NKAIN2: variants seen among roughly 807,000 people sequenced by gnomAD.
NKAIN2 encodes the protein sodium/potassium transporting ATPase interacting 2.
In NKAIN2, 14 loss-of-function variants were observed where a neutral mutation model predicts 32.6. The ratio of observed to expected loss-of-function variants is 0.43; its 90% confidence interval spans 0.28 to 0.67. The LOEUF is 0.67. Among genes scored for constraint, NKAIN2 ranks in the 30% least tolerant of loss-of-function variants. The pLI, the probability that NKAIN2 is intolerant of heterozygous loss-of-function variation, is 0.17. For missense variants in NKAIN2, 198 were observed against 258.3 expected (o/e 0.77, Z 1.60); for synonymous variants, 80 against 87.2 (o/e 0.92, Z 0.46).
intron 1 of NKAIN2, among the ~76,000 whole-genome samples, chr6:124,246,118 T>C (rs62434679): frequency 2.7e-4 from 41 of 152,120 alleles, no homozygotes; most frequent in Non-Finnish European, 5.6e-4. Context: ...TTTCTCTGTT[T>C]TAACCATAGT....
chr6:124,075,827 C>T (rs974407276), intron 1 of NKAIN2, among the ~76,000 whole-genome samples: 2 of 152,158 alleles, frequency 1.3e-5, no homozygotes, highest in African/African-American at 4.8e-5. Context: ...AACTCCTGAC[C>T]TCAAGTGATC....
chr6:124,496,338 T>A (rs1054467623), intron 3 of NKAIN2, among the ~76,000 whole-genome samples: 4 of 152,294 alleles, frequency 2.6e-5, no homozygotes, highest in South Asian at 4.1e-4. Context: ...AACCTTTTTT[T>A]AAATTCATTG....
At chr6:124,008,088 G>T (rs982813585) in intron 1 of NKAIN2, among the ~76,000 whole-genome samples, 3 of 152,102 alleles carry the variant, frequency 2.0e-5, no homozygotes, top group Non-Finnish European at 4.4e-5. Context: ...TGATGACCGA[G>T]GAGGAGTCAG....
In NKAIN2 at chr6:124,099,222, C is replaced by T. The variant is rs577800365; in HGVS notation, c.55-183783C>T. ...GGTTGATTATCTAATATATGGCATG[C>T]CCTTTAGAGATGTTATCCCATTTAA... On this transcript the variant is annotated intron_variant, in intron 1 of 6. Coordinates refer to ENST00000368417, the MANE Select transcript of NKAIN2 (RefSeq NM_001040214.3). Among the ~76,000 whole-genome samples, 7 of 151,992 alleles carry T rather than the reference C, an allele frequency of 4.6e-5. No homozygotes were observed. The South Asian group carries it at 1.0e-3, about 23-fold the overall frequency.
intron 1 of NKAIN2, among the ~76,000 whole-genome samples, chr6:124,236,697 A>T (rs754822083): frequency 1.3e-5 from 2 of 152,152 alleles, no homozygotes; most frequent in African/African-American, 4.8e-5. Flanking sequence ...GTATTTTAAC[A>T]ATCTGGTTTG....
chr6:124,727,640 C>T (rs567034248), intron 4 of NKAIN2, among the ~76,000 whole-genome samples: 3 of 151,436 alleles, frequency 2.0e-5, no homozygotes, highest in South Asian at 2.1e-4. Flanking sequence ...TAGGAAGAAA[C>T]TCCATCAACT....
intron 1 of NKAIN2, among the ~76,000 whole-genome samples, chr6:124,277,941 C>T (rs1376215771): frequency 6.6e-6 from 1 of 151,590 alleles, no homozygotes; most frequent in African/African-American, 2.4e-5. Flanking sequence ...TCAAAATCTA[C>T]ATATAAGTTT....
At chr6:123,947,629 A>T (rs915874034) in intron 1 of NKAIN2, among the ~76,000 whole-genome samples, 24 of 152,124 alleles carry the variant, frequency 1.6e-4, no homozygotes, top group African/African-American at 5.6e-4. Context: ...TTTTTTATTG[A>T]TACAAATATT....
intron 1 of NKAIN2, among the ~76,000 whole-genome samples, chr6:124,228,181 C>G (rs1452299067): frequency 1.1e-4 from 17 of 152,134 alleles, no homozygotes. Flanking sequence ...AAGTTGAAAC[C>G]TAAACTTCAG....
At chr6:123,846,844 G>GCA (rs34106417) in intron 1 of NKAIN2, among the ~76,000 whole-genome samples, 68,678 of 150,554 alleles carry the variant, frequency 0.46, 17,256 homozygotes, top group East Asian at 0.67. Context: ...ACGCACGCGC[G>GCA]CACACACACA....
chr6:124,146,307 G>GA (rs1787398279), intron 1 of NKAIN2, among the ~76,000 whole-genome samples: 1 of 151,836 alleles, frequency 6.6e-6, no homozygotes, highest in Admixed American at 6.6e-5. Flanking sequence ...ACTACAATTA[G>GA]AAAAAATAAT....
At chr6:124,131,665 T>A (rs546755101) in intron 1 of NKAIN2, among the ~76,000 whole-genome samples, 1 of 152,230 alleles carries the variant, frequency 6.6e-6, no homozygotes, top group South Asian at 2.1e-4. Context: ...GGAATGGATT[T>A]AGGGAGCTGT....
intron 2 of NKAIN2, among the ~76,000 whole-genome samples, chr6:124,316,243 C>A (rs1796944231): frequency 6.6e-6 from 1 of 151,846 alleles, no homozygotes; most frequent in African/African-American, 2.4e-5. Context: ...CACATGTATC[C>A]CATAAATGTG....
chr6:124,346,292 G>A (rs1296443838), intron 2 of NKAIN2, among the ~76,000 whole-genome samples: 1 of 152,084 alleles, frequency 6.6e-6, no homozygotes, highest in African/African-American at 2.4e-5. Flanking sequence ...GTGTGGTGCT[G>A]AAAAAAATGT....
At chr6:124,533,397 G>A (rs1046048193) in intron 3 of NKAIN2, among the ~76,000 whole-genome samples, 79 of 145,516 alleles carry the variant, frequency 5.4e-4, no homozygotes, top group African/African-American at 2.0e-3. Flanking sequence ...GCGTGAACCC[G>A]GGAGGTGGAG....
intron 1 of NKAIN2, among the ~76,000 whole-genome samples, chr6:124,017,104 C>T (rs1254233723): frequency 2.0e-5 from 3 of 152,040 alleles, no homozygotes; most frequent in Middle Eastern, 3.2e-3. Context: ...ACAATCATGG[C>T]GGAAGACAAA....
intron 4 of NKAIN2, among the ~76,000 whole-genome samples, chr6:124,770,502 A>C (rs892044462): frequency 1.3e-5 from 2 of 152,116 alleles, no homozygotes; most frequent in African/African-American, 4.8e-5. Flanking sequence ...CTGGAGAGAG[A>C]TATTAAGGGT....
At chr6:124,132,439 A>G (rs1786526039) in intron 1 of NKAIN2, among the ~76,000 whole-genome samples, 1 of 152,226 alleles carries the variant, frequency 6.6e-6, no homozygotes, top group South Asian at 2.1e-4. Flanking sequence ...CTCAAATCCC[A>G]CTGCTAATAC....
chr6:124,397,030 TTTA>T (rs1773411529), intron 3 of NKAIN2, among the ~76,000 whole-genome samples: 1 of 152,150 alleles, frequency 6.6e-6, no homozygotes, highest in Admixed American at 6.5e-5. Context: ...AGTTAACTGT[TTTA>T]TTAACAGTAG....
Sources: gnomAD v4.1 joint callset for allele counts (sites outside exome capture counted in the v4.1 genomes callset) on GRCh38, gnomAD v4.1.1 for gene constraint, MANE v1.5 for transcripts, NCBI Gene and HGNC (gene_info 2026-07-23, HGNC 2026-07-21) for gene names.